Variants in PRORP observed in about 807,000 individuals in gnomAD.
The protein encoded by PRORP is mitochondrial ribonuclease P catalytic subunit.
A neutral mutation model predicts 59.4 loss-of-function variants in PRORP; 51 were observed. The ratio of observed to expected loss-of-function variants is 0.86; its 90% CI spans 0.69 to 1.08. The LOEUF is 1.08. PRORP is among the 50% of genes least tolerant of loss of function. The pLI is 0.00. For missense variants in PRORP, 646 were observed against 690.3 expected (o/e 0.94, Z 0.72); for synonymous variants, 231 against 245.6 (o/e 0.94, Z 0.55).
intron 4 of PRORP, among the ~76,000 whole-genome samples, chr14:35,133,129 C>T (rs772911090): frequency 1.3e-5 from 2 of 152,058 alleles, no homozygotes; most frequent in Non-Finnish European, 2.9e-5. Flanking sequence ...ACCATGTTGG[C>T]CAGGCTGGTC....
chr14:35,183,109 C>G (rs2048656025), intron 5 of PRORP, among the ~76,000 whole-genome samples: 1 of 151,986 alleles, frequency 6.6e-6, no homozygotes, highest in Non-Finnish European at 1.5e-5. Context: ...TAGAATTGCT[C>G]TATTTATATT....
intron 5 of PRORP, among the ~76,000 whole-genome samples, chr14:35,197,503 C>T (rs1390421426): frequency 6.6e-6 from 1 of 151,886 alleles, no homozygotes; most frequent in Non-Finnish European, 1.5e-5. Context: ...GCATTTTTTT[C>T]CTTTTAAAAT....
intron 5 of PRORP, among the ~76,000 whole-genome samples, chr14:35,218,459 T>TAAAAAAA (rs748403834): frequency 1.3e-4 from 6 of 44,776 alleles, no homozygotes; most frequent in Non-Finnish European, 1.1e-4. Flanking sequence ...AGATCCTGTC[T>TAAAAAAA]AAAAAAAGAA....
intron 5 of PRORP, among the ~76,000 whole-genome samples, chr14:35,224,557 T>C (rs2049883318): frequency 6.6e-6 from 1 of 152,200 alleles, no homozygotes; most frequent in Non-Finnish European, 1.5e-5. Flanking sequence ...TCAAGAAACC[T>C]GGCACCAGAG....
At chr14:35,185,296 A>G (rs1341093139) in intron 5 of PRORP, among the ~76,000 whole-genome samples, 2 of 152,022 alleles carry the variant, frequency 1.3e-5, no homozygotes, top group African/African-American at 4.8e-5. Flanking sequence ...TTTTTTTCAT[A>G]TGCTTGTTGG....
At chr14:35,125,802 G>A (rs1444693901) in intron 2 of PRORP, among the ~76,000 whole-genome samples, 1 of 152,140 alleles carries the variant, frequency 6.6e-6, no homozygotes, top group Non-Finnish European at 1.5e-5. Flanking sequence ...TGGGAGGATA[G>A]CTTGAGGCCA....
chr14:35,245,958 T>A (rs973172545), intron 5 of PRORP, among the ~76,000 whole-genome samples: 6 of 152,198 alleles, frequency 3.9e-5, no homozygotes, highest in African/African-American at 1.2e-4. Flanking sequence ...CTTTATATTA[T>A]TCTTACACAT....
chr14:35,129,059 T>C (rs1446924478), intron 4 of PRORP, among the ~76,000 whole-genome samples: 3 of 141,418 alleles, frequency 2.1e-5, no homozygotes, highest in African/African-American at 8.0e-5. Context: ...AAAAAAAAAA[T>C]TAGCTGGGCA....
chr14:35,154,306 GT>G (rs1043172258), intron 4 of PRORP, among the ~76,000 whole-genome samples: 1 of 152,140 alleles, frequency 6.6e-6, no homozygotes, highest in Non-Finnish European at 1.5e-5. Context: ...GCATCAAATC[GT>G]TGTTGAGGTT....
At chr14:35,215,800 C>T (rs1396708949) in intron 5 of PRORP, among the ~76,000 whole-genome samples, 2 of 151,442 alleles carry the variant, frequency 1.3e-5, no homozygotes, top group East Asian at 3.9e-4. Context: ...AGGGTCTCAC[C>T]CTGTCGCCCA....
At chr14:35,272,945 T>C (rs1163600486) in intron 7 of PRORP, among the ~76,000 whole-genome samples, 2 of 152,236 alleles carry the variant, frequency 1.3e-5, no homozygotes, top group Non-Finnish European at 2.9e-5. Flanking sequence ...ATGTAAATGC[T>C]ATATAAATAG....
At chr14:35,128,108 G>T (rs527627721) in intron 4 of PRORP, among the ~76,000 whole-genome samples, 10 of 152,142 alleles carry the variant, frequency 6.6e-5, no homozygotes, top group Non-Finnish European at 1.3e-4. Flanking sequence ...GATTTTCTTA[G>T]TATCACGTTA....
chr14:35,133,594 T>C (rs963827346), intron 4 of PRORP, among the ~76,000 whole-genome samples: 1 of 152,168 alleles, frequency 6.6e-6, no homozygotes, highest in Non-Finnish European at 1.5e-5. Flanking sequence ...GTTAGGTATT[T>C]ATTGTAGTCT....
intron 5 of PRORP, among the ~76,000 whole-genome samples, chr14:35,230,790 C>CA (rs1403534336): frequency 6.6e-6 from 1 of 152,314 alleles, no homozygotes; most frequent in East Asian, 1.9e-4. Flanking sequence ...CAAACTCCTC[C>CA]ACAACACTTG....
intron 1 of PRORP, 120 bp downstream of exon 1, chr14:35,122,755 A>G (rs2046961542): frequency 6.1e-6 from 1 of 163,486 alleles, no homozygotes; most frequent in South Asian, 1.5e-4. Context: ...CGGTCTGTAG[A>G]GAGCTATGCA....
intron 5 of PRORP, among the ~76,000 whole-genome samples, chr14:35,198,738 A>G (rs971140921): frequency 6.6e-6 from 1 of 152,242 alleles, no homozygotes; most frequent in Non-Finnish European, 1.5e-5. Flanking sequence ...TGTCTGTTAA[A>G]TAATTATAGT....
chr14:35,267,853 C>T (rs2051083806), intron 6 of PRORP, among the ~76,000 whole-genome samples: 1 of 151,816 alleles, frequency 6.6e-6, no homozygotes, highest in Non-Finnish European at 1.5e-5. Context: ...AGCAACACGG[C>T]CAGTTGGGCT....
chr14:35,127,621 A>G lies in PRORP; in HGVS notation c.1167+10A>G. 2 of 1,613,782 alleles carry G rather than the reference A, an allele frequency of 1.2e-6. No individual in the cohort carries two copies. The highest frequency in any genetic ancestry group is 4.5e-5 in the East Asian group (2 of 44,860). ...AAAGACAACACCTCAGGTGAGTCTA[A>G]CAAGTTTTATTTCTTCTTGGATTGC... On this transcript the variant is annotated intron_variant, in intron 4 of 7. Coordinates refer to ENST00000534898, the MANE Select transcript of PRORP (RefSeq NM_014672.4).
At chr14:35,221,247 CTTATAA>C (rs3837587) in intron 5 of PRORP, among the ~76,000 whole-genome samples, 89,836 of 151,314 alleles carry the variant, frequency 0.59, 27,877 homozygotes, top group East Asian at 0.75. Context: ...TACCAAAAAA[CTTATAA>C]TTAAGATAAA....
Sources: allele counts gnomAD v4.1 joint callset (sites outside exome capture counted in the v4.1 genomes callset), GRCh38; gene constraint gnomAD v4.1.1; transcripts MANE v1.5; gene names NCBI Gene and HGNC (gene_info 2026-07-23, HGNC 2026-07-21).